Variants in CGRRF1 observed in about 807,000 individuals in gnomAD.
CGRRF1 encodes cell growth regulator with ring finger domain 1.
CGRRF1 carries 32 observed loss-of-function variants against 37.2 expected under a neutral mutation model. That is an observed-to-expected ratio of 0.86 (90% confidence interval 0.65 to 1.16). CGRRF1 has a LOEUF of 1.16. Among genes scored for constraint, CGRRF1 ranks in the 50% most tolerant of loss-of-function variants. The probability of loss-of-function intolerance (pLI) is 0.00; values close to 1 mark genes in which losing one functional copy is unlikely to be tolerated. For missense variants in CGRRF1, 391 were observed against 382.6 expected, an observed-to-expected ratio of 1.02 and a Z score of -0.18; for synonymous variants, 141 against 140.3, an observed-to-expected ratio of 1.00 and a Z score of -0.04.
chr14:54,510,400 G>A lies in CGRRF1; in HGVS notation c.104+337G>A. 4 of 337,058 alleles carry A rather than the reference G, an allele frequency of 1.2e-5. No individual in the cohort carries two copies. The South Asian group carries it at 1.2e-4, about 10-fold the overall frequency. The allele number at this position is 337,058 out of a possible 1,614,324, so 20.9% of individuals were successfully genotyped here. ...TTGGGAGAAAGTGCTTCTCTAGTAG[G>A]CTTCTGTCCCGGATTCGGGCCTACT... is the stretch of plus-strand genomic sequence containing the variant. On this transcript the variant is annotated intron_variant, in intron 1 of 5. Coordinates refer to ENST00000216420, the MANE Select transcript of CGRRF1 (RefSeq NM_006568.3).
At chr14:54,511,625 G>A (rs2032131263) in intron 1 of CGRRF1, among the ~76,000 whole-genome samples, 2 of 152,150 alleles carry the variant, frequency 1.3e-5, no homozygotes, top group African/African-American at 4.8e-5. Flanking sequence ...TCAATCTTTA[G>A]TATTGGGAAG....
At position 54,538,873 on chromosome 14, in the gene CGRRF1, C is replaced by T. The variant is rs2032646073; in HGVS notation, c.*490C>T. ...TGAAATAACAGCTTTTATAAATATC[C>T]ATCTGTTTGGTTTCTAATGTCCCTT... On this transcript the variant is annotated 3_prime_UTR_variant, in exon 6 of 6. Coordinates refer to ENST00000216420, the MANE Select transcript of CGRRF1 (RefSeq NM_006568.3). 1 of 153,792 alleles carries T rather than the reference C, an allele frequency of 6.5e-6. No homozygotes were observed. Among genetic ancestry groups the T allele is most frequent in the Non-Finnish European group, 1.4e-5 (1 of 69,156 alleles). 9.5% of individuals were successfully genotyped at this position (153,792 alleles called of 1,614,324 possible).
rs1399917125 is a variant in CGRRF1, at chr14:54,537,805, T to C, written c.654T>C (p.Ala218=). The C allele has an allele frequency of 6.2e-7, 1 of 1,603,596 alleles. No homozygotes were observed. Among genetic ancestry groups the C allele is most frequent in the Admixed American group, 1.7e-5 (1 of 57,180 alleles). The change falls in exon 5 of 6, where the codon GCT becomes GCC. Residue 218 remains alanine, a synonymous_variant. Transcript: ENST00000216420. ...CRILYQYLLL[A]QGQFHDLKQL... is the part of the protein sequence containing the mutation. ...TATTGTATCAATATTTACTCTTGGC[T>C]CAAGGTCAATTTCATGATCTTAAGG...
intron 4 of CGRRF1, among the ~76,000 whole-genome samples, chr14:54,532,536 A>G (rs1409192684): frequency 6.6e-6 from 1 of 152,078 alleles, no homozygotes; most frequent in Non-Finnish European, 1.5e-5. Flanking sequence ...TTGCATTATA[A>G]TAGTAACCAT....
Position 54,538,388 on chromosome 14 carries a change from A to G in CGRRF1, c.*5A>G, listed in dbSNP as rs369114920. The G allele has an allele frequency of 2.5e-6, 4 of 1,584,096 alleles. No homozygotes were observed. Among genetic ancestry groups the G allele is most frequent in the Non-Finnish European group, 3.4e-6 (4 of 1,160,530 alleles). On this transcript the variant is annotated 3_prime_UTR_variant, in exon 6 of 6. Coordinates refer to ENST00000216420, the MANE Select transcript of CGRRF1 (RefSeq NM_006568.3). ...GACAAACCGAAGACTCTTTGAAGAC[A>G]TCGTAACACTGAAAAGTACACTTTC... is the stretch of plus-strand genomic sequence containing the variant.
chr14:54,527,876 G>C (rs892108957), intron 2 of CGRRF1, among the ~76,000 whole-genome samples: 2 of 151,966 alleles, frequency 1.3e-5, no homozygotes, highest in African/African-American at 4.8e-5. Context: ...AAGAAGTTAG[G>C]ACCACGGGTG....
At chr14:54,516,472 G>C (rs2140055165) in intron 1 of CGRRF1, among the ~76,000 whole-genome samples, 1 of 152,048 alleles carries the variant, frequency 6.6e-6, no homozygotes, top group Non-Finnish European at 1.5e-5. Context: ...GCCTTCCATT[G>C]CTTCTTATTA....
intron 4 of CGRRF1, among the ~76,000 whole-genome samples, chr14:54,533,686 G>A (rs1039028273): frequency 6.6e-6 from 1 of 151,500 alleles, no homozygotes; most frequent in Non-Finnish European, 1.5e-5. Context: ...TTATATTTAG[G>A]TAGTACAGTT....
chr14:54,538,636 A>C lies in CGRRF1; in HGVS notation c.*253A>C, dbSNP rs557424718. On this transcript the variant is annotated 3_prime_UTR_variant, in exon 6 of 6. Coordinates refer to ENST00000216420, the MANE Select transcript of CGRRF1 (RefSeq NM_006568.3). ...AAAGAATCTAAGAGTTTGGCCTTTT[A>C]TTAGCTAGATTTCCTCTCATGTTAA... 7 of 289,654 alleles carry C rather than the reference A, an allele frequency of 2.4e-5. No individual in the cohort carries two copies. The East Asian group carries it at 3.6e-4, about 15-fold the overall frequency. 17.9% of individuals were successfully genotyped at this position (289,654 alleles called of 1,614,324 possible).
chr14:54,512,848 C>G (rs1368972365), intron 1 of CGRRF1, among the ~76,000 whole-genome samples: 1 of 152,186 alleles, frequency 6.6e-6, no homozygotes. Flanking sequence ...TCCATAGAGT[C>G]TCTCCTCCAC....
intron 1 of CGRRF1, among the ~76,000 whole-genome samples, chr14:54,515,503 G>C (rs1403991323): frequency 6.6e-6 from 1 of 152,162 alleles, no homozygotes; most frequent in Non-Finnish European, 1.5e-5. Context: ...TATTGAAGTT[G>C]TGGGGAGTAT....
At chr14:54,514,221 A>G (rs1420522142) in intron 1 of CGRRF1, among the ~76,000 whole-genome samples, 1 of 152,220 alleles carries the variant, frequency 6.6e-6, no homozygotes, top group East Asian at 1.9e-4. Flanking sequence ...CTTGAAAAGA[A>G]TTGCAAAATT....
rs144992320 is a variant in CGRRF1 at position 54,519,696 on chromosome 14, C to T, written c.105-2758C>T. ...CCTTAGTACATGAAGGCTTGGTTGCCACTGTCTGCTGCCAGACTGAGAACC... is the reference window on the plus strand; with the variant it reads ...CCTTAGTACATGAAGGCTTGGTTGCTACTGTCTGCTGCCAGACTGAGAACC... On this transcript the variant is annotated intron_variant, in intron 1 of 5. Coordinates refer to ENST00000216420, the MANE Select transcript of CGRRF1 (RefSeq NM_006568.3). Among the ~76,000 whole-genome samples the T allele has an allele frequency of 4.6e-5, 7 of 152,328 alleles. No homozygotes were observed. The East Asian group carries it at 1.3e-3, about 29-fold the overall frequency.
In CGRRF1 at chr14:54,513,986, A is replaced by G. The variant is rs147315904; in HGVS notation, c.104+3923A>G. Among the ~76,000 whole-genome samples, 5 of 152,252 alleles carry G rather than the reference A, an allele frequency of 3.3e-5. No homozygotes were observed. The East Asian group carries it at 9.7e-4, about 30-fold the overall frequency. On this transcript the variant is annotated intron_variant, in intron 1 of 5. Coordinates refer to ENST00000216420, the MANE Select transcript of CGRRF1 (RefSeq NM_006568.3). Reference sequence around the variant, plus strand: ...CATGGACAGAGCTGAGAATCTTGAAAAAAACTCCAGTCACTCTGAGCCTCC... The same window carrying G: ...CATGGACAGAGCTGAGAATCTTGAAGAAAACTCCAGTCACTCTGAGCCTCC...
At position 54,509,967 on chromosome 14, in the gene CGRRF1, C is replaced by T. The variant is rs377205659; in HGVS notation, c.8C>T (p.Ala3Val). The change falls in exon 1 of 6, where the codon GCG (alanine) becomes GTG (valine). Residue 3 changes from alanine (A) to valine (V), a missense_variant. Ala to Val is a moderately conservative substitution (Grantham distance 64, BLOSUM62 0). Transcript: ENST00000216420. ...ACCCAGAGCAAGACCCTGATGGCTGCGGTGTTTCTGGTAACGCTTTATGAA... is the reference window on the plus strand; with the variant it reads ...ACCCAGAGCAAGACCCTGATGGCTGTGGTGTTTCTGGTAACGCTTTATGAA... Reference protein sequence around the residue: MAAVFLVTLYEYS... With the variant: MAVVFLVTLYEYS... The T allele has an allele frequency of 1.5e-5, 24 of 1,612,086 alleles. No homozygotes were observed. Among genetic ancestry groups the T allele is most frequent in the Non-Finnish European group, 1.9e-5 (22 of 1,178,290 alleles).
rs17832137 is a variant in CGRRF1 at position 54,538,817 on chromosome 14, G to A, written c.*434G>A. ...TGTGTGTTCCCTAGTTTATACAAAG[G>A]AGTTGGAATGAGCTTCTTTAGATCT... is the stretch of plus-strand genomic sequence containing the variant. On this transcript the variant is annotated 3_prime_UTR_variant, in exon 6 of 6. Transcript: ENST00000216420. 4,992 of 154,802 alleles carry A rather than the reference G, an allele frequency of 0.032. 112 individuals carry two copies. The highest frequency in any genetic ancestry group is 0.048 in the Non-Finnish European group (3,368 of 69,568). The allele number at this position is 154,802 out of a possible 1,614,324, so 9.6% of individuals were successfully genotyped here. A position where few individuals can be genotyped will look rare whatever the true frequency, so the allele number is the denominator to read the frequency against.
At chr14:54,526,000 G>C (rs2032405156) in intron 2 of CGRRF1, among the ~76,000 whole-genome samples, 2 of 152,054 alleles carry the variant, frequency 1.3e-5, no homozygotes, top group Non-Finnish European at 2.9e-5. Context: ...AGGAGGCTTA[G>C]GCTGGAGGAT....
chr14:54,526,236 G>C (rs2032410373), intron 2 of CGRRF1, among the ~76,000 whole-genome samples: 1 of 136,550 alleles, frequency 7.3e-6, no homozygotes, highest in South Asian at 2.2e-4. Flanking sequence ...TGCAACGTCT[G>C]CCTCCCAGGT....
intron 2 of CGRRF1, 55 bp from the exon 3 acceptor site, chr14:54,529,994 T>C: frequency 1.4e-6 from 2 of 1,424,908 alleles, no homozygotes; most frequent in Non-Finnish European, 9.8e-7. Flanking sequence ...CCCTGTATGA[T>C]TGTATTAGAA....
Sources: gnomAD v4.1 joint callset for allele counts (sites outside exome capture counted in the v4.1 genomes callset) on GRCh38, gnomAD v4.1.1 for gene constraint, MANE v1.5 for transcripts, NCBI Gene and HGNC (gene_info 2026-07-23, HGNC 2026-07-21) for gene names.